The following KNDC1 variants were observed in gnomAD, a reference collection of about 807,000 sequenced individuals.
The protein encoded by KNDC1 is kinase non-catalytic C-lobe domain-containing protein 1.
Under a neutral mutation model 172.8 loss-of-function variants are expected in KNDC1, and 106 were observed. The observed-to-expected ratio is 0.61, with a 90% CI of 0.52 to 0.72. The LOEUF (loss-of-function observed/expected upper bound fraction) is 0.72, where lower values mean the gene tolerates loss of function less well. KNDC1 is among the 30% of genes least tolerant of loss of function. The probability of loss-of-function intolerance (pLI) is 0.00; values close to 1 mark genes in which losing one functional copy is unlikely to be tolerated. For synonymous variants in KNDC1, 1,083 were observed against 1,062.2 expected, an observed-to-expected ratio of 1.02 and a Z score of -0.38; for missense variants, 2,325 against 2,394.5, an observed-to-expected ratio of 0.97 and a Z score of 0.61.
rs767607362 is a variant in KNDC1 at position 133,186,558 on chromosome 10, G to C, written c.1210G>C (p.Gly404Arg). 3 of 1,610,420 alleles carry C rather than the reference G, an allele frequency of 1.9e-6. No homozygotes were observed. In the South Asian group the frequency reaches 3.3e-5, roughly 18 times the overall value. Residue 404 changes from glycine to arginine, a missense_variant, in exon 6 of 30, where the codon GGG becomes CGG. By Grantham distance (125) the Gly-to-Arg change is moderately radical. Coordinates refer to ENST00000304613, the MANE Select transcript of KNDC1 (RefSeq NM_152643.8). The part of the protein sequence containing the change: ...GQPETSHPSQ[G>R]PAEAPADPRD... ...GCCCGAGACTTCACACCCCAGCCAGGGGCCAGCAGAGGCCCCTGCAGACCC... is the reference window on the plus strand; with the variant it reads ...GCCCGAGACTTCACACCCCAGCCAGCGGCCAGCAGAGGCCCCTGCAGACCC...
chr10:133,190,254 C>G (rs914533311), intron 9 of KNDC1, among the ~76,000 whole-genome samples: 2 of 152,094 alleles, frequency 1.3e-5, no homozygotes, highest in Non-Finnish European at 2.9e-5. Flanking sequence ...CACTAAGCAC[C>G]CTGCACTAAA....
At chr10:133,175,298 ATGGGTGGGTGGG>A (rs1243303240) in intron 3 of KNDC1, among the ~76,000 whole-genome samples, 6 of 136,358 alleles carry the variant, frequency 4.4e-5, no homozygotes, top group Non-Finnish European at 4.7e-5. Flanking sequence ...GGGTGGCTGG[ATGGGTGGGTGGG>A]TGAATAGGTA....
chr10:133,181,955 CT>C (rs759251989), intron 3 of KNDC1, among the ~76,000 whole-genome samples: 4 of 152,298 alleles, frequency 2.6e-5, no homozygotes, highest in Non-Finnish European at 4.4e-5. Context: ...CTCTGTGACA[CT>C]TTCTGTCTTG....
At chr10:133,171,556 G>A (rs73386687) in intron 3 of KNDC1, among the ~76,000 whole-genome samples, 8,801 of 152,126 alleles carry the variant, frequency 0.058, 791 homozygotes, top group African/African-American at 0.2. Flanking sequence ...AAAGGCATGA[G>A]CCACTGGCCC....
intron 3 of KNDC1, among the ~76,000 whole-genome samples, chr10:133,180,507 A>G (rs1853685646): frequency 6.6e-6 from 1 of 152,280 alleles, no homozygotes; most frequent in African/African-American, 2.4e-5. Context: ...GTGAGGCTTC[A>G]AACAGATTAG....
In KNDC1 at chr10:133,209,103, T is replaced by C. The variant is rs1845291398; in HGVS notation, c.3795-1508T>C. 6.6e-6 allele frequency among the ~76,000 whole-genome samples: 1 copy of C among 150,476 alleles called. No individual in the cohort carries two copies. The highest frequency in any genetic ancestry group is 2.1e-4 in the South Asian group (1 of 4,750). On this transcript the variant is annotated intron_variant, in intron 20 of 29. Coordinates refer to ENST00000304613, the MANE Select transcript of KNDC1 (RefSeq NM_152643.8). This position sits in a 1 kb window ranked among gnomAD's most constrained non-coding sequence, Gnocchi z 4.9. ...GATGTGTGGCTTGCGTGCCCATGTA[T>C]GGTGTGTGATGTGGAGTATTGTGTG...
intron 23 of KNDC1, among the ~76,000 whole-genome samples, chr10:133,212,134 G>A (rs191941468): frequency 3.8e-4 from 57 of 150,100 alleles, no homozygotes; most frequent in African/African-American, 1.1e-3. Context: ...GCACACGCAC[G>A]TGCACCTTCA....
chr10:133,197,833 C>T, intron 12 of KNDC1, 65 bp downstream of exon 12: 1 of 1,230,224 alleles, frequency 8.1e-7, no homozygotes, highest in Admixed American at 1.7e-5. Flanking sequence ...GCTGCCCCCA[C>T]CTCTGCATGG....
intron 17 of KNDC1, among the ~76,000 whole-genome samples, chr10:133,205,430 C>G (rs1366632184): frequency 6.6e-6 from 1 of 152,248 alleles, no homozygotes; most frequent in East Asian, 1.9e-4. Context: ...GATGAGGTCC[C>G]CGGCTCCATC....
At chr10:133,197,963 G>A (rs1339573498) in intron 12 of KNDC1, among the ~76,000 whole-genome samples, 195 bp downstream of exon 12, 3 of 152,118 alleles carry the variant, frequency 2.0e-5, no homozygotes, top group South Asian at 2.1e-4. Context: ...ACTCCCAGTC[G>A]CTCAGGCCCC....
At chr10:133,222,071 C>T (rs1211637362) in intron 29 of KNDC1, among the ~76,000 whole-genome samples, 1 of 150,626 alleles carries the variant, frequency 6.6e-6, no homozygotes, top group Non-Finnish European at 1.5e-5. Context: ...CACTTGAGGT[C>T]AGGAGTTCAA....
In KNDC1 at chr10:133,194,756, C is replaced by T. The variant is rs558863926; in HGVS notation, c.1576-907C>T. The stretch of plus-strand genomic sequence containing the variant: ...GGAGTACTTACACCAGGGAAAGCAG[C>T]AAACGCTACAAATGTCTTGTTCTGT... On this transcript the variant is annotated intron_variant, in intron 9 of 29. Coordinates refer to ENST00000304613, the MANE Select transcript of KNDC1 (RefSeq NM_152643.8). 7.2e-5 allele frequency among the ~76,000 whole-genome samples: 11 copies of T among 152,316 alleles called. No individual in the cohort carries two copies. The East Asian group carries it at 2.1e-3, about 29-fold the overall frequency.
chr10:133,196,229 C>A (rs1338519546), intron 10 of KNDC1, among the ~76,000 whole-genome samples: 1 of 151,602 alleles, frequency 6.6e-6, no homozygotes, highest in Non-Finnish European at 1.5e-5. Flanking sequence ...ACCCCCACCT[C>A]CTCTGAGGAT....
In KNDC1 at chr10:133,186,198, G is replaced by C; in HGVS notation, c.850G>C (p.Asp284His). Residue 284 changes from aspartate to histidine, a missense_variant, in exon 6 of 30, where the codon GAT becomes CAT. Transcript: ENST00000304613. ...SREGLAGLVL[D>H]AERTLGELDR... ...GGAGGGGCTGGCCGGCCTCGTCCTG[G>C]ATGCCGAGCGCACCCTCGGGGAGCT... 6.4e-7 allele frequency: 1 copy of C among 1,572,094 alleles called. No individual in the cohort carries two copies. Among genetic ancestry groups the C allele is most frequent in the Non-Finnish European group, 8.6e-7 (1 of 1,159,230 alleles).
chr10:133,177,577 G>GGT (rs575473802), intron 3 of KNDC1, among the ~76,000 whole-genome samples: 4 of 145,976 alleles, frequency 2.7e-5, no homozygotes, highest in Non-Finnish European at 5.9e-5. Flanking sequence ...ACATGCATGT[G>GGT]GTGTGTGTAT....
chr10:133,212,389 C>T (rs571862643), intron 23 of KNDC1, among the ~76,000 whole-genome samples: 22 of 152,328 alleles, frequency 1.4e-4, no homozygotes, highest in African/African-American at 5.1e-4. Flanking sequence ...TGCACCATCC[C>T]GGGTGCTCAG....
chr10:133,210,818 T>A, intron 21 of KNDC1, 94 bp downstream of exon 21: 2 of 1,074,436 alleles, frequency 1.9e-6, no homozygotes, highest in Non-Finnish European at 2.9e-6. Context: ...AAGAACGAGG[T>A]GGTCCCTGGC....
chr10:133,199,872 G>A (rs1854312638), intron 15 of KNDC1, among the ~76,000 whole-genome samples: 1 of 152,148 alleles, frequency 6.6e-6, no homozygotes, highest in Admixed American at 6.5e-5. Context: ...GGGCTCTCCG[G>A]GAGGCTGCAG....
chr10:133,186,740 T>C, intron 6 of KNDC1, 66 bp downstream of exon 6: 4 of 1,134,006 alleles, frequency 3.5e-6, no homozygotes, highest in Non-Finnish European at 5.0e-6. Context: ...GCCGGGCCTC[T>C]CCACAGATGC....
Sources: gnomAD v4.1 joint callset for allele counts (sites outside exome capture counted in the v4.1 genomes callset) on GRCh38, gnomAD v4.1.1 for gene constraint, Gnocchi (gnomAD v3.1) non-coding constraint, MANE v1.5 for transcripts, NCBI Gene and HGNC (gene_info 2026-07-23, HGNC 2026-07-21) for gene names.